Variants in TPH2 observed in about 807,000 individuals in gnomAD.
The protein encoded by TPH2 is tryptophan 5-hydroxylase 2.
A neutral mutation model predicts 59.1 loss-of-function variants in TPH2; 27 were observed. The ratio of observed to expected loss-of-function variants is 0.46; its 90% CI spans 0.34 to 0.63. The LOEUF (loss-of-function observed/expected upper bound fraction) is 0.63. TPH2 is among the 30% of genes least tolerant of loss of function. The pLI, the probability that TPH2 is intolerant of heterozygous loss-of-function variation, is 0.01. For synonymous variants in TPH2, 220 were observed against 210.5 expected, an observed-to-expected ratio of 1.05 and a Z score of -0.39; for missense variants, 523 against 588.3, an observed-to-expected ratio of 0.89 and a Z score of 1.15.
At position 71,979,076 on chromosome 12, in the gene TPH2, C is replaced by T. The variant is rs190200029; in HGVS notation, c.930C>T (p.Tyr310=). 6.2e-6 allele frequency: 10 copies of T among 1,614,154 alleles called. No individual in the cohort carries two copies. The highest frequency in any genetic ancestry group is 8.5e-6 in the Non-Finnish European group (10 of 1,180,010). ...QYIRHGSDPL[Y]TPEPDTCHEL... ...TCCGGCATGGCTCAGATCCCCTCTA[C>T]ACCCCAGAACCGTGAGTACCTACAT... The change falls in exon 7 of 11, where the codon TAC becomes TAT. Residue 310 remains tyrosine, a synonymous_variant. Coordinates refer to ENST00000333850, the MANE Select transcript of TPH2 (RefSeq NM_173353.4).
At chr12:72,021,913 T>C (rs576165052) in intron 8 of TPH2, among the ~76,000 whole-genome samples, 2 of 152,340 alleles carry the variant, frequency 1.3e-5, no homozygotes, top group East Asian at 3.9e-4. Flanking sequence ...ACCACAATTC[T>C]TTACCAAGCA....
intron 5 of TPH2, among the ~76,000 whole-genome samples, chr12:71,961,282 G>A (rs1336425270): frequency 6.6e-6 from 1 of 152,200 alleles, no homozygotes; most frequent in Non-Finnish European, 1.5e-5. Context: ...TAGTCATTTA[G>A]TCACTCTGTG....
chr12:71,972,028 A>G (rs1269129271), intron 5 of TPH2, among the ~76,000 whole-genome samples: 1 of 152,240 alleles, frequency 6.6e-6, no homozygotes, highest in African/African-American at 2.4e-5. Context: ...GTCTTTCAGT[A>G]TCTCCCAGAC....
At chr12:72,002,496 A>G (rs985954494) in intron 8 of TPH2, among the ~76,000 whole-genome samples, 4 of 152,346 alleles carry the variant, frequency 2.6e-5, no homozygotes, top group African/African-American at 4.8e-5. Flanking sequence ...GATAATGGCA[A>G]GGTTAGAACG....
At chr12:71,996,133 G>C (rs1236393619) in intron 8 of TPH2, among the ~76,000 whole-genome samples, 2 of 152,214 alleles carry the variant, frequency 1.3e-5, no homozygotes, top group Admixed American at 6.5e-5. Context: ...ATTGTCTGAA[G>C]GTTTGGGAAT....
At chr12:71,956,970 T>G (rs1871525768) in intron 5 of TPH2, among the ~76,000 whole-genome samples, 1 of 152,168 alleles carries the variant, frequency 6.6e-6, no homozygotes, top group Admixed American at 6.5e-5. Context: ...TAATGTGCTA[T>G]CTGTACAACT....
chr12:71,946,300 T>C (rs944380887), intron 4 of TPH2, among the ~76,000 whole-genome samples: 1 of 152,222 alleles, frequency 6.6e-6, no homozygotes, highest in African/African-American at 2.4e-5. Context: ...AAAGGATTTT[T>C]TGATAACCTC....
At chr12:72,025,710 A>G (rs1873549677) in intron 9 of TPH2, among the ~76,000 whole-genome samples, 1 of 152,260 alleles carries the variant, frequency 6.6e-6, no homozygotes, top group South Asian at 2.1e-4. Context: ...GCTTTTCCAT[A>G]CCTTTCATAA....
chr12:72,020,088 A>G (rs1033149460), intron 8 of TPH2, among the ~76,000 whole-genome samples: 4 of 152,178 alleles, frequency 2.6e-5, no homozygotes, highest in Non-Finnish European at 5.9e-5. Flanking sequence ...GTTGTTCTCA[A>G]CCAAGGATGA....
intron 5 of TPH2, among the ~76,000 whole-genome samples, chr12:71,968,799 T>C (rs1344199589): frequency 6.6e-6 from 1 of 152,160 alleles, no homozygotes; most frequent in Admixed American, 6.5e-5. Context: ...CAGGAGGAAT[T>C]TGTTGGTGAT....
chr12:71,983,185 G>A (rs1000976066), intron 7 of TPH2, among the ~76,000 whole-genome samples: 1 of 152,196 alleles, frequency 6.6e-6, no homozygotes, highest in East Asian at 1.9e-4. Context: ...GGTGGGAGGA[G>A]TTGCTTTTCT....
chr12:71,967,289 G>A (rs1191230733), intron 5 of TPH2, among the ~76,000 whole-genome samples: 2 of 152,194 alleles, frequency 1.3e-5, no homozygotes, highest in African/African-American at 4.8e-5. Flanking sequence ...TAGGAAGAGT[G>A]GGGTTTAACC....
At chr12:71,939,410 A>C (rs1020131257) in intron 1 of TPH2, among the ~76,000 whole-genome samples, 63 of 151,948 alleles carry the variant, frequency 4.1e-4, no homozygotes, top group African/African-American at 1.4e-3. Context: ...AAAAAAAAAA[A>C]AAAATGGAGT....
At chr12:72,016,533 G>A (rs568825391) in intron 8 of TPH2, among the ~76,000 whole-genome samples, 4 of 152,006 alleles carry the variant, frequency 2.6e-5, no homozygotes, top group Admixed American at 1.3e-4. Context: ...ATAACTTTTT[G>A]TTATGTTTGG....
At chr12:72,013,136 T>C (rs549428949) in intron 8 of TPH2, among the ~76,000 whole-genome samples, 2 of 152,344 alleles carry the variant, frequency 1.3e-5, no homozygotes, top group East Asian at 3.9e-4. Flanking sequence ...TTATATTTGA[T>C]GATCAATTTT....
At chr12:71,975,767 G>GA (rs2139206168) in intron 6 of TPH2, among the ~76,000 whole-genome samples, 1 of 152,258 alleles carries the variant, frequency 6.6e-6, no homozygotes, top group Non-Finnish European at 1.5e-5. Context: ...TGTTACTGAG[G>GA]AAAAGAGATT....
intron 9 of TPH2, among the ~76,000 whole-genome samples, chr12:72,026,868 G>A (rs1236459124): frequency 6.6e-6 from 1 of 152,138 alleles, no homozygotes; most frequent in African/African-American, 2.4e-5. Flanking sequence ...TTGTTTAGCA[G>A]GATGAGCCTT....
intron 8 of TPH2, among the ~76,000 whole-genome samples, chr12:72,007,168 T>C (rs1013578850): frequency 6.6e-6 from 1 of 152,116 alleles, no homozygotes; most frequent in Non-Finnish European, 1.5e-5. Flanking sequence ...TAACCATAAA[T>C]AATAGAGGTA....
rs536577933 is a variant in TPH2 at position 71,966,837 on chromosome 12, A to G, written c.609-5682A>G. Among the ~76,000 whole-genome samples the G allele has an allele frequency of 2.1e-4, 32 of 152,266 alleles. No homozygotes were observed. The South Asian group carries it at 6.4e-3, about 31-fold the overall frequency. On this transcript the variant is annotated intron_variant, in intron 5 of 10. Coordinates refer to ENST00000333850, the MANE Select transcript of TPH2 (RefSeq NM_173353.4). The stretch of plus-strand genomic sequence containing the variant: ...TAAGTGAATTGCTTCCCCACACTGA[A>G]GTTCTTCTAAAGATAACACAAGCTG...
Sources: allele counts gnomAD v4.1 joint callset (sites outside exome capture counted in the v4.1 genomes callset), GRCh38; gene constraint gnomAD v4.1.1; transcripts MANE v1.5; gene names NCBI Gene and HGNC (gene_info 2026-07-23, HGNC 2026-07-21).